Variants in GPR158 observed in about 807,000 individuals in gnomAD.
GPR158 encodes the protein G protein-coupled receptor 158.
Under a neutral mutation model 78.2 loss-of-function variants are expected in GPR158, and 30 were observed. That is an observed-to-expected ratio of 0.38 (90% CI 0.29 to 0.52). The LOEUF (loss-of-function observed/expected upper bound fraction) is 0.52, where lower values mean the gene tolerates loss of function less well. Ranked by LOEUF, GPR158 falls within the 20% of genes least tolerant of loss-of-function variation. The pLI, the probability that GPR158 is intolerant of heterozygous loss-of-function variation, is 0.83. For synonymous variants in GPR158, 581 were observed against 591.1 expected (o/e 0.98, Z 0.25); for missense variants, 1,463 against 1,523.5 (o/e 0.96, Z 0.66).
intron 2 of GPR158, among the ~76,000 whole-genome samples, chr10:25,267,889 A>G (rs1172688316): frequency 6.6e-6 from 1 of 152,174 alleles, no homozygotes; most frequent in Non-Finnish European, 1.5e-5. Context: ...GGAATTGCAG[A>G]AGAATTACCC....
chr10:25,276,381 T>G (rs1406510640), intron 2 of GPR158, among the ~76,000 whole-genome samples: 1 of 152,194 alleles, frequency 6.6e-6, no homozygotes, highest in Non-Finnish European at 1.5e-5. Flanking sequence ...CTTTGTAGTG[T>G]TTAATTAATG....
chr10:25,347,528 A>G (rs1190273080), intron 2 of GPR158, among the ~76,000 whole-genome samples: 3 of 152,014 alleles, frequency 2.0e-5, no homozygotes, highest in Admixed American at 6.6e-5. Flanking sequence ...TAAGTCTAAC[A>G]TCATCATTAT....
At chr10:25,442,966 A>G (rs1245626649) in intron 4 of GPR158, among the ~76,000 whole-genome samples, 1 of 152,154 alleles carries the variant, frequency 6.6e-6, no homozygotes, top group Non-Finnish European at 1.5e-5. Flanking sequence ...AAAGCCTTTG[A>G]TGACTTTTCA....
intron 2 of GPR158, among the ~76,000 whole-genome samples, chr10:25,286,529 T>G (rs188918182): frequency 6.6e-6 from 1 of 152,024 alleles, no homozygotes; most frequent in Admixed American, 6.5e-5. Context: ...TCAAAAACAG[T>G]CTCTCTAATA....
At chr10:25,536,941 C>T (rs973457929) in intron 5 of GPR158, among the ~76,000 whole-genome samples, 1 of 152,192 alleles carries the variant, frequency 6.6e-6, no homozygotes, top group Non-Finnish European at 1.5e-5. Flanking sequence ...TCCAGATGAT[C>T]GTATGCACGT....
rs569722959 is a variant in GPR158 at position 25,514,344 on chromosome 10, C to T, written c.1405-36632C>T. ...TTACTCCTGCTCACTTTTGGTGTCC[C>T]TTTGCATGGAGTATCTTTTATCCTT... On this transcript the variant is annotated intron_variant, in intron 5 of 10. Coordinates refer to ENST00000376351, the MANE Select transcript of GPR158 (RefSeq NM_020752.3). Among the ~76,000 whole-genome samples, 143 of 152,114 alleles carry T rather than the reference C, an allele frequency of 9.4e-4. 1 individual carries two copies. The highest frequency in any genetic ancestry group is 3.2e-3 in the African/African-American group (134 of 41,502).
chr10:25,545,524 C>T (rs1365345872), intron 5 of GPR158, among the ~76,000 whole-genome samples: 2 of 152,128 alleles, frequency 1.3e-5, no homozygotes, highest in Non-Finnish European at 2.9e-5. Flanking sequence ...AGTGTCTGTT[C>T]GTATCCTTTG....
chr10:25,324,691 A>G (rs1449755222), intron 2 of GPR158, among the ~76,000 whole-genome samples: 2 of 152,228 alleles, frequency 1.3e-5, no homozygotes, highest in Non-Finnish European at 2.9e-5. Context: ...TTTGTAAAAC[A>G]TGCAGTATCT....
In GPR158 at chr10:25,318,435, C is replaced by T. The variant is rs556190328; in HGVS notation, c.1009-77476C>T. Among the ~76,000 whole-genome samples, 200 of 152,086 alleles carry T rather than the reference C, an allele frequency of 1.3e-3. 1 individual carries two copies. The highest frequency in any genetic ancestry group is 4.6e-3 in the African/African-American group (191 of 41,500). On this transcript the variant is annotated intron_variant, in intron 2 of 10. Coordinates refer to ENST00000376351, the MANE Select transcript of GPR158 (RefSeq NM_020752.3). ...CTAGTACTTTCACACCTAGGATAGA[C>T]GTTGTGTTTCTGAGGGTGGCTGAGT...
intron 1 of GPR158, among the ~76,000 whole-genome samples, chr10:25,204,977 G>A (rs1588733694): frequency 6.6e-6 from 1 of 152,004 alleles, no homozygotes; most frequent in East Asian, 1.9e-4. Context: ...TCATGGGGGT[G>A]GCTTCCCCCA....
chr10:25,305,807 C>G (rs557083936), intron 2 of GPR158, among the ~76,000 whole-genome samples: 2 of 152,112 alleles, frequency 1.3e-5, no homozygotes, highest in African/African-American at 2.4e-5. Context: ...CAGATCTCCT[C>G]ACATGTTAAT....
At chr10:25,375,310 T>C (rs1016054842) in intron 2 of GPR158, among the ~76,000 whole-genome samples, 2 of 151,618 alleles carry the variant, frequency 1.3e-5, no homozygotes, top group African/African-American at 4.8e-5. Context: ...CCATCATTTC[T>C]CCCAACCCAT....
At chr10:25,233,599 A>G (rs1853482237) in intron 2 of GPR158, among the ~76,000 whole-genome samples, 1 of 152,244 alleles carries the variant, frequency 6.6e-6, no homozygotes, top group Admixed American at 6.5e-5. Flanking sequence ...TCTGCAAATC[A>G]TCTTTGTCTG....
At chr10:25,520,971 G>C (rs1348398742) in intron 5 of GPR158, among the ~76,000 whole-genome samples, 60 of 152,306 alleles carry the variant, frequency 3.9e-4, no homozygotes, top group African/African-American at 1.2e-3. Flanking sequence ...AGCCTCGCTG[G>C]CGCCTTGCAG....
intron 2 of GPR158, among the ~76,000 whole-genome samples, chr10:25,262,701 A>G (rs911194759): frequency 7.2e-5 from 11 of 152,286 alleles, no homozygotes; most frequent in Middle Eastern, 3.4e-3. Flanking sequence ...ACTTGCTACA[A>G]TCAAACCTAT....
chr10:25,320,813 C>T (rs891195619), intron 2 of GPR158, among the ~76,000 whole-genome samples: 1 of 152,096 alleles, frequency 6.6e-6, no homozygotes, highest in African/African-American at 2.4e-5. Flanking sequence ...AGTTTTTATT[C>T]TAATCAACTA....
intron 2 of GPR158, among the ~76,000 whole-genome samples, chr10:25,240,712 T>C (rs546627196): frequency 2.6e-5 from 4 of 152,330 alleles, no homozygotes; most frequent in Non-Finnish European, 5.9e-5. Flanking sequence ...TGGATTCTTA[T>C]GTAATAAGAT....
intron 2 of GPR158, among the ~76,000 whole-genome samples, chr10:25,388,996 G>A (rs1334347082): frequency 6.6e-6 from 1 of 152,224 alleles, no homozygotes; most frequent in Non-Finnish European, 1.5e-5. Flanking sequence ...TCTAGACTTT[G>A]GGCACCAATG....
chr10:25,592,480 A>G (rs559964600), intron 8 of GPR158, among the ~76,000 whole-genome samples: 3 of 152,106 alleles, frequency 2.0e-5, no homozygotes, highest in Admixed American at 2.0e-4. Flanking sequence ...CTATGTTTTA[A>G]AAGATGAAAC....
Sources: gnomAD v4.1 joint callset for allele counts (sites outside exome capture counted in the v4.1 genomes callset) on GRCh38, gnomAD v4.1.1 for gene constraint, MANE v1.5 for transcripts, NCBI Gene and HGNC (gene_info 2026-07-23, HGNC 2026-07-21) for gene names.